OSBPL8: variants seen among roughly 807,000 people sequenced by gnomAD.
OSBPL8 encodes oxysterol binding protein like 8, also known as oxysterol-binding protein-related protein 8.
A neutral mutation model predicts 125.5 loss-of-function variants in OSBPL8; 59 were observed. The observed-to-expected ratio is 0.47, with a 90% CI of 0.38 to 0.58. OSBPL8 has a LOEUF of 0.58. OSBPL8 is among the 20% of genes least tolerant of loss of function. OSBPL8 has a pLI of 0.00. For missense variants in OSBPL8, 758 were observed against 1,047.8 expected (o/e 0.72, Z 3.82); for synonymous variants, 330 against 338.9 (o/e 0.97, Z 0.29).
chr12:76,474,188 A>T (rs528868478), intron 2 of OSBPL8, among the ~76,000 whole-genome samples: 44 of 152,310 alleles, frequency 2.9e-4, no homozygotes, highest in African/African-American at 9.6e-4. Context: ...AAATAAATTT[A>T]AAAAACATAA....
intron 4 of OSBPL8, among the ~76,000 whole-genome samples, chr12:76,431,295 G>GA (rs71311106): frequency 0.22 from 30,708 of 140,228 alleles, 3,367 homozygotes; most frequent in Non-Finnish European, 0.27. Context: ...GCCAAAAAAA[G>GA]AAAAAAAAAC....
intron 1 of OSBPL8, among the ~76,000 whole-genome samples, chr12:76,502,007 G>GTACTACAGCATGT (rs1197055609): frequency 1.6e-4 from 25 of 152,200 alleles, no homozygotes; most frequent in Admixed American, 7.2e-4. Context: ...GTACAGCAAT[G>GTACTACAGCATGT]AATCCATGCT....
Position 76,373,388 on chromosome 12 carries a change from G to A in OSBPL8, c.1873C>T (p.Leu625Phe). Residue 625 changes from leucine to phenylalanine, a missense_variant, in exon 18 of 24, where the codon CTT (leucine) becomes TTT (phenylalanine). Physicochemically the swap from Leu to Phe is conservative, Grantham distance 22. This residue lies in a region of OSBPL8 where 572 missense variants were observed against 762.0 expected (regional missense o/e 0.75). Coordinates refer to ENST00000261183, the MANE Select transcript of OSBPL8 (RefSeq NM_020841.5). ...GCTAGGACTTCTTTTCCCAGTTTAA[G>A]TTTCCCTGATATTTGATTAACACAG... Reference protein sequence around the residue: ...SDCVNQISGKLKLGKEVLATL... With the variant: ...SDCVNQISGKFKLGKEVLATL... 1 of 1,608,226 alleles carries A rather than the reference G, an allele frequency of 6.2e-7. No homozygotes were observed. Among genetic ancestry groups the A allele is most frequent in the South Asian group, 1.1e-5 (1 of 90,364 alleles).
intron 4 of OSBPL8, among the ~76,000 whole-genome samples, chr12:76,413,048 T>C (rs1317793741): frequency 6.6e-6 from 1 of 152,200 alleles, no homozygotes; most frequent in East Asian, 1.9e-4. Context: ...TTGTATATTC[T>C]CTGAAACTTA....
intron 14 of OSBPL8, among the ~76,000 whole-genome samples, chr12:76,385,158 T>C (rs191380197): frequency 2.8e-4 from 42 of 152,290 alleles, no homozygotes; most frequent in South Asian, 1.2e-3. Context: ...AATTAAATCA[T>C]TGAGTTTTAA....
intron 2 of OSBPL8, among the ~76,000 whole-genome samples, chr12:76,480,915 A>T (rs150904607): frequency 1.3e-5 from 2 of 152,310 alleles, no homozygotes; most frequent in African/African-American, 4.8e-5. Flanking sequence ...ATCTTGATAT[A>T]GGGCAGTTAT....
intron 2 of OSBPL8, among the ~76,000 whole-genome samples, chr12:76,466,959 T>A (rs1242559091): frequency 1.3e-5 from 2 of 150,610 alleles, no homozygotes; most frequent in Non-Finnish European, 1.5e-5. Context: ...CGAAACTCTG[T>A]CTCAAAAAAA....
chr12:76,551,662 T>C (rs1425220489), intron 1 of OSBPL8, among the ~76,000 whole-genome samples: 1 of 152,192 alleles, frequency 6.6e-6, no homozygotes, highest in African/African-American at 2.4e-5. Flanking sequence ...CACAGGCCTC[T>C]AAGGTTTGAA....
intron 8 of OSBPL8, among the ~76,000 whole-genome samples, chr12:76,395,966 T>C (rs1400441696): frequency 1.3e-5 from 2 of 151,304 alleles, no homozygotes; most frequent in Non-Finnish European, 2.9e-5. Context: ...TTTATTTTAA[T>C]GCTTGCAATT....
chr12:76,502,848 T>C (rs1391072084), intron 1 of OSBPL8, among the ~76,000 whole-genome samples: 1 of 152,210 alleles, frequency 6.6e-6, no homozygotes, highest in Non-Finnish European at 1.5e-5. Context: ...GAGACAAAAA[T>C]TGTAATTTCT....
chr12:76,491,753 T>C (rs1878739079), intron 1 of OSBPL8, among the ~76,000 whole-genome samples: 1 of 152,218 alleles, frequency 6.6e-6, no homozygotes, highest in Non-Finnish European at 1.5e-5. Context: ...TCTAAGTGAA[T>C]AAATAAGAAT....
chr12:76,534,638 A>C (rs2137370363), intron 1 of OSBPL8, among the ~76,000 whole-genome samples: 1 of 152,318 alleles, frequency 6.6e-6, no homozygotes, highest in Middle Eastern at 3.4e-3. Context: ...ACAAAAAGAA[A>C]CAAATGAAAA....
At chr12:76,382,671 T>G (rs914162149) in intron 15 of OSBPL8, among the ~76,000 whole-genome samples, 1 of 151,900 alleles carries the variant, frequency 6.6e-6, no homozygotes, top group Non-Finnish European at 1.5e-5. Context: ...TCACTTGAGG[T>G]CAGGAGTTCG....
chr12:76,410,787 T>C (rs530556353), intron 4 of OSBPL8, among the ~76,000 whole-genome samples, 153 bp from the exon 5 acceptor site: 1 of 152,312 alleles, frequency 6.6e-6, no homozygotes, highest in African/African-American at 2.4e-5. Context: ...GGGTCATATC[T>C]AGCATAATCC....
At chr12:76,423,907 C>T (rs974240584) in intron 4 of OSBPL8, among the ~76,000 whole-genome samples, 1 of 152,152 alleles carries the variant, frequency 6.6e-6, no homozygotes, top group Non-Finnish European at 1.5e-5. Context: ...TTCACTTCAA[C>T]GCTGGTTCTC....
intron 4 of OSBPL8, among the ~76,000 whole-genome samples, chr12:76,418,328 C>T (rs1180252167): frequency 1.3e-5 from 2 of 152,024 alleles, no homozygotes; most frequent in African/African-American, 4.8e-5. Flanking sequence ...TTCTTAACAG[C>T]CTTTCTCCAA....
intron 4 of OSBPL8, among the ~76,000 whole-genome samples, chr12:76,417,012 A>G (rs1372185103): frequency 6.6e-6 from 1 of 152,222 alleles, no homozygotes; most frequent in African/African-American, 2.4e-5. Flanking sequence ...CTTCTGGGAA[A>G]TACAAAGGCC....
chr12:76,486,202 A>C (rs1353748935), intron 2 of OSBPL8: 3 of 287,248 alleles, frequency 1.0e-5, no homozygotes, highest in African/African-American at 2.2e-5. Flanking sequence ...GCTGGGACCA[A>C]GTTAATATTA....
intron 15 of OSBPL8, among the ~76,000 whole-genome samples, chr12:76,379,624 G>A (rs960151557): frequency 6.6e-6 from 1 of 152,136 alleles, no homozygotes; most frequent in Non-Finnish European, 1.5e-5. Flanking sequence ...TATAGAATAT[G>A]TAGCTTGCTG....
Sources: gnomAD v4.1 joint callset for allele counts (sites outside exome capture counted in the v4.1 genomes callset) on GRCh38, gnomAD v4.1.1 for gene constraint, gnomAD v4.1.1 regional missense constraint, MANE v1.5 for transcripts, NCBI Gene and HGNC (gene_info 2026-07-23, HGNC 2026-07-21) for gene names.